Variants in RAI14 observed in about 807,000 individuals in gnomAD.
RAI14 encodes retinoic acid induced 14, also known as ankycorbin.
In RAI14, 45 loss-of-function variants were observed where a neutral mutation model predicts 115.4. That is an observed-to-expected ratio of 0.39 (90% CI 0.31 to 0.50). The LOEUF is 0.50. Ranked by LOEUF, RAI14 falls within the 20% of genes least tolerant of loss-of-function variation. The pLI is 0.85. For synonymous variants in RAI14, 371 were observed against 415.4 expected (o/e 0.89, Z 1.30); for missense variants, 939 against 1,131.2 (o/e 0.83, Z 2.44).
chr5:34,726,330 C>T (rs1743461288), intron 2 of RAI14, among the ~76,000 whole-genome samples: 1 of 152,134 alleles, frequency 6.6e-6, no homozygotes, highest in Non-Finnish European at 1.5e-5. Flanking sequence ...CTGGGGAGGC[C>T]TCATGAAACT....
chr5:34,819,259 G>A (rs112036326), intron 13 of RAI14, among the ~76,000 whole-genome samples: 2 of 152,204 alleles, frequency 1.3e-5, no homozygotes, highest in African/African-American at 4.8e-5. Flanking sequence ...GCAGTTATTA[G>A]ACCTGCTGCC....
intron 2 of RAI14, among the ~76,000 whole-genome samples, chr5:34,719,103 C>T (rs772322949): frequency 3.3e-5 from 5 of 152,212 alleles, no homozygotes; most frequent in Non-Finnish European, 7.3e-5. Flanking sequence ...AGGGACAGCT[C>T]GTCTCTGATC....
intron 3 of RAI14, among the ~76,000 whole-genome samples, chr5:34,765,387 C>T (rs774967785): frequency 2.0e-5 from 3 of 152,068 alleles, no homozygotes; most frequent in African/African-American, 4.8e-5. Flanking sequence ...ATGCTGATAG[C>T]GATATGGACA....
At chr5:34,656,507 C>T (rs966757516) in intron 1 of RAI14, 32 bp downstream of exon 1, 1 of 152,142 alleles carries the variant, frequency 6.6e-6, no homozygotes, top group Non-Finnish European at 1.5e-5. Context: ...GGGAGGCTCC[C>T]GGCGCGGGGT....
At chr5:34,806,971 G>A (rs1288943309) in intron 5 of RAI14, among the ~76,000 whole-genome samples, 4 of 152,220 alleles carry the variant, frequency 2.6e-5, no homozygotes, top group African/African-American at 7.2e-5. Context: ...TCATCTGAAA[G>A]TGGAAGTAAT....
chr5:34,810,219 C>T (rs1314695583), intron 7 of RAI14, among the ~76,000 whole-genome samples: 2 of 152,016 alleles, frequency 1.3e-5, no homozygotes, highest in African/African-American at 4.8e-5. Flanking sequence ...AACTCACTGT[C>T]GATGGATTTA....
At chr5:34,721,289 G>A (rs1240052607) in intron 2 of RAI14, among the ~76,000 whole-genome samples, 1 of 61,720 alleles carries the variant, frequency 1.6e-5, no homozygotes, top group African/African-American at 7.4e-5. Context: ...AGATGTAGAT[G>A]TGTATATATA....
rs576586820 is a variant in RAI14 at position 34,675,794 on chromosome 5, T to G, written c.-48-11078T>G. Among the ~76,000 whole-genome samples the G allele has an allele frequency of 1.4e-4, 21 of 152,088 alleles. No homozygotes were observed. The South Asian group carries it at 4.4e-3, about 32-fold the overall frequency. ...AAAAGGAATGGAATCATATAATGTG[T>G]GGTCTTTTCTGTCTGACTTTCACTT... On this transcript the variant is annotated intron_variant, in intron 1 of 17. Coordinates refer to ENST00000265109, the MANE Select transcript of RAI14 (RefSeq NM_015577.3).
chr5:34,748,840 G>T (rs1746645896), intron 2 of RAI14, among the ~76,000 whole-genome samples: 1 of 151,306 alleles, frequency 6.6e-6, no homozygotes, highest in African/African-American at 2.4e-5. Context: ...AAGAAAATTT[G>T]GGAAAGGCTA....
At chr5:34,697,778 G>T (rs1006040237) in intron 2 of RAI14, among the ~76,000 whole-genome samples, 1 of 152,122 alleles carries the variant, frequency 6.6e-6, no homozygotes, top group Non-Finnish European at 1.5e-5. Context: ...ATAAAATTGT[G>T]CAATATGAGG....
intron 2 of RAI14, among the ~76,000 whole-genome samples, chr5:34,702,024 G>C (rs1171468861): frequency 6.6e-6 from 1 of 152,032 alleles, no homozygotes; most frequent in Admixed American, 6.5e-5. Context: ...ATGTTGCCCA[G>C]GCTGGTCTTG....
chr5:34,705,214 GA>G (rs1427319119), intron 2 of RAI14, among the ~76,000 whole-genome samples: 3 of 152,040 alleles, frequency 2.0e-5, no homozygotes, highest in African/African-American at 7.2e-5. Flanking sequence ...TAAATCTCCT[GA>G]AATCTAAATA....
intron 16 of RAI14, among the ~76,000 whole-genome samples, chr5:34,828,210 G>T (rs1757640571): frequency 6.6e-6 from 1 of 152,168 alleles, no homozygotes; most frequent in Non-Finnish European, 1.5e-5. Flanking sequence ...AAGATGGGAA[G>T]TGGTGGTTAG....
At chr5:34,804,309 A>G (rs1034269775) in intron 5 of RAI14, among the ~76,000 whole-genome samples, 22 of 152,158 alleles carry the variant, frequency 1.4e-4, no homozygotes, top group Non-Finnish European at 7.4e-5. Flanking sequence ...TGGTTCAATA[A>G]TCTTGCCAGG....
intron 1 of RAI14, chr5:34,685,148 G>A (rs930766869): frequency 6.6e-6 from 1 of 151,886 alleles, no homozygotes; most frequent in Admixed American, 6.6e-5. Flanking sequence ...TAGGGAGGGA[G>A]AGGCCAGAGG....
intron 2 of RAI14, chr5:34,716,039 A>G (rs1355615826): frequency 2.2e-6 from 1 of 447,960 alleles, no homozygotes. Context: ...AAACAACCAT[A>G]TTTCCTGTCC....
chr5:34,725,329 G>T (rs1743306966), intron 2 of RAI14, among the ~76,000 whole-genome samples: 1 of 151,958 alleles, frequency 6.6e-6, no homozygotes, highest in Non-Finnish European at 1.5e-5. Flanking sequence ...TAGTGATGTG[G>T]TGACTTTGTG....
chr5:34,802,471 G>A (rs1301822395), intron 4 of RAI14, among the ~76,000 whole-genome samples: 1 of 152,076 alleles, frequency 6.6e-6, no homozygotes, highest in African/African-American at 2.4e-5. Flanking sequence ...AGGTGTGGTG[G>A]GGTGTCTGGT....
chr5:34,777,979 A>G (rs1467479415), intron 3 of RAI14, among the ~76,000 whole-genome samples: 2 of 152,226 alleles, frequency 1.3e-5, no homozygotes, highest in Non-Finnish European at 2.9e-5. Context: ...TGTCTTGTCT[A>G]TTGTAAAGTA....
Sources: gnomAD v4.1 joint callset for allele counts (sites outside exome capture counted in the v4.1 genomes callset) on GRCh38, gnomAD v4.1.1 for gene constraint, MANE v1.5 for transcripts, NCBI Gene and HGNC (gene_info 2026-07-23, HGNC 2026-07-21) for gene names.